The following GALNTL6 variants were observed in gnomAD, a reference collection of about 807,000 sequenced individuals.
GALNTL6 encodes polypeptide N-acetylgalactosaminyltransferase-like 6.
In GALNTL6, 46 loss-of-function variants were observed where a neutral mutation model predicts 73.7. The observed-to-expected ratio is 0.62, with a 90% CI of 0.49 to 0.80. GALNTL6 has a LOEUF of 0.80. GALNTL6 is among the 30% of genes least tolerant of loss of function. GALNTL6 has a pLI of 0.00. For missense variants in GALNTL6, 604 were observed against 755.0 expected (o/e 0.80, Z 2.34); for synonymous variants, 259 against 263.7 (o/e 0.98, Z 0.17).
At chr4:172,448,199 T>C (rs892725981) in intron 5 of GALNTL6, among the ~76,000 whole-genome samples, 5 of 152,182 alleles carry the variant, frequency 3.3e-5, no homozygotes, top group Admixed American at 2.6e-4. Context: ...TGTCAGGAGA[T>C]TCTGTTGGTT....
intron 5 of GALNTL6, among the ~76,000 whole-genome samples, chr4:172,623,998 C>A (rs837195): frequency 1.3e-5 from 2 of 152,110 alleles, no homozygotes; most frequent in East Asian, 3.9e-4. Flanking sequence ...GGAACCTATA[C>A]AGTTTAGGAT....
At chr4:172,465,922 C>T (rs990324978) in intron 5 of GALNTL6, among the ~76,000 whole-genome samples, 3 of 152,058 alleles carry the variant, frequency 2.0e-5, no homozygotes, top group Non-Finnish European at 2.9e-5. Context: ...ATTATATTTC[C>T]TAATATTGTA....
intron 5 of GALNTL6, among the ~76,000 whole-genome samples, chr4:172,767,953 C>T (rs1358485799): frequency 6.6e-6 from 1 of 152,090 alleles, no homozygotes; most frequent in Non-Finnish European, 1.5e-5. Context: ...CAGGCGTGAG[C>T]CACTGCGCCT....
rs140293416 is a variant in GALNTL6 at position 172,730,638 on chromosome 4, G to T, written c.554-78723G>T. On this transcript the variant is annotated intron_variant, in intron 5 of 12. Coordinates refer to ENST00000506823, the MANE Select transcript of GALNTL6 (RefSeq NM_001034845.3). ...GCATTTGGTTTGCTGGTATTTTGCT[G>T]GGGATTTTTGCAGTTATGTTCTTCA... 1.8e-3 allele frequency among the ~76,000 whole-genome samples: 276 copies of T among 152,262 alleles called. 2 individuals carry two copies. Among genetic ancestry groups the T allele is most frequent in the African/African-American group, 6.3e-3 (262 of 41,556 alleles).
intron 5 of GALNTL6, among the ~76,000 whole-genome samples, chr4:172,462,369 G>A (rs1297148135): frequency 6.6e-6 from 1 of 152,078 alleles, no homozygotes; most frequent in Non-Finnish European, 1.5e-5. Context: ...GCCTTGTGTG[G>A]GTCTTAAGAT....
At chr4:172,260,007 A>G (rs557287493) in intron 3 of GALNTL6, among the ~76,000 whole-genome samples, 5 of 149,530 alleles carry the variant, frequency 3.3e-5, no homozygotes, top group African/African-American at 9.7e-5. Flanking sequence ...TTTGGTAACT[A>G]TAACCAAAGT....
At chr4:171,882,651 C>G (rs1037008543) in intron 2 of GALNTL6, among the ~76,000 whole-genome samples, 3 of 152,146 alleles carry the variant, frequency 2.0e-5, no homozygotes, top group Non-Finnish European at 4.4e-5. Flanking sequence ...CGTTTGAGGG[C>G]AGGAAGCATC....
At chr4:172,998,238 G>A (rs373019358) in intron 10 of GALNTL6, among the ~76,000 whole-genome samples, 2 of 152,324 alleles carry the variant, frequency 1.3e-5, no homozygotes, top group East Asian at 3.9e-4. Flanking sequence ...GAGGTGGAAT[G>A]GATCTGTTTA....
At chr4:172,556,263 G>A (rs1164488658) in intron 5 of GALNTL6, among the ~76,000 whole-genome samples, 2 of 151,950 alleles carry the variant, frequency 1.3e-5, no homozygotes, top group Admixed American at 6.5e-5. Context: ...TTTCCTTCTA[G>A]GTAGGAGATC....
At chr4:172,412,898 C>A (rs945170014) in intron 5 of GALNTL6, among the ~76,000 whole-genome samples, 7 of 152,148 alleles carry the variant, frequency 4.6e-5, no homozygotes, top group African/African-American at 1.7e-4. Context: ...TTCTCCTGTC[C>A]TCTGCCTACT....
chr4:172,979,940 C>T (rs1217007520), intron 10 of GALNTL6, among the ~76,000 whole-genome samples: 1 of 152,206 alleles, frequency 6.6e-6, no homozygotes. Flanking sequence ...TGTTATCTCT[C>T]CTAAGACAAT....
At chr4:171,982,481 T>G (rs933993634) in intron 2 of GALNTL6, among the ~76,000 whole-genome samples, 6 of 152,096 alleles carry the variant, frequency 3.9e-5, no homozygotes, top group Non-Finnish European at 5.9e-5. Context: ...TGTATTTTCA[T>G]TAGAGACGGG....
intron 2 of GALNTL6, among the ~76,000 whole-genome samples, chr4:171,910,258 C>T (rs113761712): frequency 2.6e-5 from 4 of 151,878 alleles, no homozygotes; most frequent in African/African-American, 4.8e-5. Context: ...ATCTGAATTG[C>T]GCTAATTTTT....
At chr4:172,784,281 T>C (rs1336426428) in intron 5 of GALNTL6, among the ~76,000 whole-genome samples, 1 of 152,070 alleles carries the variant, frequency 6.6e-6, no homozygotes, top group East Asian at 1.9e-4. Context: ...CTTATTAACA[T>C]TCCTATATTT....
chr4:171,983,470 T>TTATG (rs1739975431), intron 2 of GALNTL6, among the ~76,000 whole-genome samples: 1 of 144,196 alleles, frequency 6.9e-6, no homozygotes, highest in Admixed American at 7.3e-5. Flanking sequence ...TTGATTTTAT[T>TTATG]TATTTATTTA....
intron 7 of GALNTL6, among the ~76,000 whole-genome samples, chr4:172,824,395 T>TG (rs1491148594): frequency 1.3e-4 from 11 of 84,584 alleles, no homozygotes; most frequent in African/African-American, 1.2e-3. Context: ...TGTGTGTGTG[T>TG]TTGTGTGTGT....
At chr4:173,004,885 T>G (rs1752206729) in intron 10 of GALNTL6, among the ~76,000 whole-genome samples, 1 of 152,152 alleles carries the variant, frequency 6.6e-6, no homozygotes, top group Non-Finnish European at 1.5e-5. Context: ...CTAGTAAATG[T>G]TGAATGAGGA....
chr4:172,299,507 T>G (rs1561013351), intron 3 of GALNTL6, among the ~76,000 whole-genome samples: 1 of 152,212 alleles, frequency 6.6e-6, no homozygotes, highest in Admixed American at 6.5e-5. Flanking sequence ...GGGCATTTAG[T>G]GCTATAAATT....
At chr4:172,008,750 G>C (rs568745607) in intron 2 of GALNTL6, among the ~76,000 whole-genome samples, 55 of 152,118 alleles carry the variant, frequency 3.6e-4, no homozygotes, top group African/African-American at 1.3e-3. Flanking sequence ...ACTCCTCCTA[G>C]TTTTTCCATC....
Sources: gnomAD v4.1 joint callset for allele counts (sites outside exome capture counted in the v4.1 genomes callset) on GRCh38, gnomAD v4.1.1 for gene constraint, MANE v1.5 for transcripts, NCBI Gene and HGNC (gene_info 2026-07-23, HGNC 2026-07-21) for gene names.